The following TEAD1 variants were observed in gnomAD, a reference collection of about 807,000 sequenced individuals.
TEAD1 encodes TEA domain transcription factor 1.
Under a neutral mutation model 54.9 loss-of-function variants are expected in TEAD1, and 9 were observed. The observed-to-expected ratio is 0.16, with a 90% CI of 0.10 to 0.29. The LOEUF is 0.29. Ranked by LOEUF, TEAD1 falls within the 10% of genes least tolerant of loss-of-function variation. TEAD1 has a pLI of 1.00. For synonymous variants in TEAD1, 200 were observed against 187.8 expected, an observed-to-expected ratio of 1.07 and a Z score of -0.53; for missense variants, 387 against 535.9, an observed-to-expected ratio of 0.72 and a Z score of 2.74.
intron 2 of TEAD1, among the ~76,000 whole-genome samples, chr11:12,692,874 G>A (rs968434777): frequency 2.0e-5 from 3 of 152,202 alleles, no homozygotes; most frequent in African/African-American, 7.2e-5. Flanking sequence ...GGCCTTGCCT[G>A]GTCAACTGTT....
intron 2 of TEAD1, among the ~76,000 whole-genome samples, chr11:12,692,937 CT>C (rs1385727652): frequency 6.6e-6 from 1 of 152,094 alleles, no homozygotes; most frequent in African/African-American, 2.4e-5. Flanking sequence ...TTTTTGTGTT[CT>C]TTTCCCCCTT....
chr11:12,804,353 G>A (rs1025223647), intron 3 of TEAD1, among the ~76,000 whole-genome samples: 5 of 152,180 alleles, frequency 3.3e-5, no homozygotes, highest in African/African-American at 7.2e-5. Context: ...CACCAAGAAC[G>A]AGCCACCCCA....
In TEAD1 at chr11:12,691,756, T is replaced by G. The variant is rs1171416185; in HGVS notation, c.-55+16195T>G. On this transcript the variant is annotated intron_variant, in intron 2 of 12. Coordinates refer to ENST00000527636, the MANE Select transcript of TEAD1 (RefSeq NM_021961.6). The stretch of plus-strand genomic sequence containing the variant: ...TCTGCCTGATAGTTTGTTCTATTCC[T>G]TGTATACATAACCAGGACATGAGAG... 2.0e-5 allele frequency among the ~76,000 whole-genome samples: 3 copies of G among 152,330 alleles called. No homozygotes were observed. The East Asian group carries it at 5.8e-4, about 29-fold the overall frequency.
At chr11:12,856,353 G>A (rs1012761415) in intron 3 of TEAD1, among the ~76,000 whole-genome samples, 6 of 152,028 alleles carry the variant, frequency 3.9e-5, no homozygotes, top group African/African-American at 1.4e-4. Context: ...ACATAAGGCA[G>A]AAAAAAATAC....
chr11:12,752,213 GTTTTTTT>G (rs35143229), intron 2 of TEAD1, among the ~76,000 whole-genome samples: 14 of 101,034 alleles, frequency 1.4e-4, no homozygotes, highest in Non-Finnish European at 2.2e-4. Context: ...AAACAGGGCA[GTTTTTTT>G]TTTTTTTTTT....
chr11:12,829,285 TACGTGA>T (rs1946723102), intron 3 of TEAD1, among the ~76,000 whole-genome samples: 1 of 152,154 alleles, frequency 6.6e-6, no homozygotes, highest in South Asian at 2.1e-4. Flanking sequence ...GTTCAAAACA[TACGTGA>T]GAGAATGAAT....
At chr11:12,928,055 C>T (rs759482083) in intron 11 of TEAD1, among the ~76,000 whole-genome samples, 1 of 152,112 alleles carries the variant, frequency 6.6e-6, no homozygotes, top group Non-Finnish European at 1.5e-5. Flanking sequence ...TTATTAGTTA[C>T]AGCTGCAATA....
chr11:12,855,364 A>G (rs1046417305), intron 3 of TEAD1, among the ~76,000 whole-genome samples: 1 of 151,676 alleles, frequency 6.6e-6, no homozygotes, highest in East Asian at 2.0e-4. Context: ...ATCTCAGCTC[A>G]CTGCAACCTC....
chr11:12,830,043 T>C (rs1429835981), intron 3 of TEAD1, among the ~76,000 whole-genome samples: 1 of 151,886 alleles, frequency 6.6e-6, no homozygotes, highest in East Asian at 1.9e-4. Flanking sequence ...AACAGGTGCA[T>C]GGACACAGAG....
At chr11:12,699,705 T>G (rs1943656575) in intron 2 of TEAD1, among the ~76,000 whole-genome samples, 1 of 152,232 alleles carries the variant, frequency 6.6e-6, no homozygotes, top group Non-Finnish European at 1.5e-5. Context: ...AATTGCTCAG[T>G]GTCTAGAAAA....
intron 5 of TEAD1, 21 bp from the exon 6 acceptor site, chr11:12,879,685 GGT>G: frequency 6.2e-7 from 1 of 1,614,052 alleles, no homozygotes; most frequent in East Asian, 2.2e-5. Context: ...GTATTAAGTT[GGT>G]GTGTCACTGT....
At chr11:12,903,183 A>C (rs1176977310) in intron 10 of TEAD1, among the ~76,000 whole-genome samples, 1 of 152,164 alleles carries the variant, frequency 6.6e-6, no homozygotes, top group Non-Finnish European at 1.5e-5. Flanking sequence ...ACCTAGGAAA[A>C]AAGGCTCGTA....
chr11:12,877,973 T>TG (rs199806966), intron 5 of TEAD1, among the ~76,000 whole-genome samples: 294 of 150,820 alleles, frequency 1.9e-3, no homozygotes, highest in Middle Eastern at 6.8e-3. Context: ...AATTTTTTTT[T>TG]TTGTGTGTGT....
intron 11 of TEAD1, 24 bp from the exon 12 acceptor site, chr11:12,930,150 A>G (rs1169147754): frequency 6.2e-7 from 1 of 1,614,192 alleles, no homozygotes; most frequent in African/African-American, 1.3e-5. Flanking sequence ...GTGTAAAAAT[A>G]CTGAAATCCT....
chr11:12,912,879 T>C (rs6486073), intron 10 of TEAD1, among the ~76,000 whole-genome samples: 145,946 of 152,026 alleles, frequency 0.96, 70,336 homozygotes, highest in East Asian at 1. Flanking sequence ...CTGGGTCCTT[T>C]GTCTCTGTGA....
At chr11:12,849,654 G>T (rs1590210204) in intron 3 of TEAD1, among the ~76,000 whole-genome samples, 2 of 152,154 alleles carry the variant, frequency 1.3e-5, no homozygotes, top group African/African-American at 2.4e-5. Context: ...GGTGATAGTT[G>T]TTTTTACAAC....
At chr11:12,676,549 T>G (rs1943095986) in intron 2 of TEAD1, among the ~76,000 whole-genome samples, 1 of 152,230 alleles carries the variant, frequency 6.6e-6, no homozygotes, top group Admixed American at 6.5e-5. Context: ...TCCAAGCATA[T>G]CTGAATGCTT....
At chr11:12,882,629 A>G (rs1296378182) in intron 8 of TEAD1, among the ~76,000 whole-genome samples, 1 of 152,176 alleles carries the variant, frequency 6.6e-6, no homozygotes, top group Non-Finnish European at 1.5e-5. Flanking sequence ...AGATGGGCAA[A>G]CACAAGAAGT....
At chr11:12,783,850 G>A (rs1314457089) in intron 3 of TEAD1, among the ~76,000 whole-genome samples, 1 of 152,160 alleles carries the variant, frequency 6.6e-6, no homozygotes, top group Admixed American at 6.5e-5. Flanking sequence ...AAGCTGAGAG[G>A]TTACGGGAGT....
Sources: gnomAD v4.1 joint callset for allele counts (sites outside exome capture counted in the v4.1 genomes callset) on GRCh38, gnomAD v4.1.1 for gene constraint, MANE v1.5 for transcripts, NCBI Gene and HGNC (gene_info 2026-07-23, HGNC 2026-07-21) for gene names.